LYRM4: variants seen among roughly 807,000 people sequenced by gnomAD.
LYRM4 encodes the protein LYR motif-containing protein 4.
LYRM4 carries 9 observed loss-of-function variants against 11.7 expected under a neutral mutation model. The observed-to-expected ratio is 0.77, with a 90% CI of 0.46 to 1.34. The LOEUF (loss-of-function observed/expected upper bound fraction) is 1.34, where lower values mean the gene tolerates loss of function less well. LYRM4 is among the 40% of genes most tolerant of loss of function. The pLI, the probability that LYRM4 is intolerant of heterozygous loss-of-function variation, is 0.00. For missense variants in LYRM4, 133 were observed against 112.5 expected (o/e 1.18, Z -0.82); for synonymous variants, 42 against 40.4 (o/e 1.04, Z -0.15).
intron 2 of LYRM4, among the ~76,000 whole-genome samples, chr6:5,178,804 CAAAAAAAAAAAAA>C (rs56880549): frequency 4.6e-3 from 137 of 30,022 alleles, no homozygotes; most frequent in African/African-American, 0.013. Context: ...GACTCTGTCT[CAAAAAAAAAAAAA>C]AAAAAAAAAA....
the LYRM4 span, chr6:5,085,375 G>A: frequency 1.3e-6 from 1 of 770,032 alleles, no homozygotes; most frequent in South Asian, 1.9e-5. Flanking sequence ...ACTCGCCTCG[G>A]GGAGGGCGAG....
chr6:5,160,161 T>G (rs960275425), intron 2 of LYRM4, among the ~76,000 whole-genome samples: 9 of 152,216 alleles, frequency 5.9e-5, no homozygotes, highest in Non-Finnish European at 1.5e-5. Context: ...TATTTGTGTG[T>G]GTACCATTCC....
chr6:5,138,606 C>A, intron 2 of LYRM4: 3 of 615,020 alleles, frequency 4.9e-6, no homozygotes, highest in South Asian at 3.7e-5. Flanking sequence ...CAGACTAAGT[C>A]ACAAGAAAAC....
intron 1 of LYRM4, chr6:5,218,394 T>C (rs1762398838): frequency 7.1e-6 from 7 of 984,946 alleles, no homozygotes; most frequent in Non-Finnish European, 8.4e-6. Flanking sequence ...ATATAACTTA[T>C]TGGGAAACTT....
intron 2 of LYRM4, among the ~76,000 whole-genome samples, chr6:5,193,042 G>A (rs184046861): frequency 9.2e-5 from 14 of 152,200 alleles, no homozygotes; most frequent in Non-Finnish European, 2.1e-4. Flanking sequence ...AAAACAAAGT[G>A]CATTTGGGCC....
the LYRM4 span, among the ~76,000 whole-genome samples, chr6:5,089,818 A>T: frequency 4.6e-5 from 7 of 152,228 alleles, no homozygotes; most frequent in Admixed American, 1.3e-4. Context: ...CCAAAGCATT[A>T]GCACTGGCAA....
At chr6:5,089,959 A>G in the LYRM4 span, among the ~76,000 whole-genome samples, 9 of 152,230 alleles carry the variant, frequency 5.9e-5, no homozygotes, top group African/African-American at 2.2e-4. Flanking sequence ...ATTTCAAAGG[A>G]AAGGGCAATA....
At chr6:5,221,039 C>G (rs1762548146) in intron 1 of LYRM4, among the ~76,000 whole-genome samples, 1 of 152,098 alleles carries the variant, frequency 6.6e-6, no homozygotes, top group Admixed American at 6.6e-5. Flanking sequence ...GCTGCCCAGG[C>G]TGGTCTCAAA....
In LYRM4 at chr6:5,121,786, C is replaced by T. The variant is rs145191780; in HGVS notation, c.208-12295G>A. Reference sequence around the variant, plus strand: ...GACCAAAGCTCAGCTGCATGTCTGTCCCTGAACTCTGCTTCATGCCACCAA... The same window carrying T: ...GACCAAAGCTCAGCTGCATGTCTGTTCCTGAACTCTGCTTCATGCCACCAA... On this transcript the variant is annotated intron_variant, in intron 2 of 2. Transcript: ENST00000330636. 4.7e-4 allele frequency among the ~76,000 whole-genome samples: 72 copies of T among 152,350 alleles called. 1 individual carries two copies. Among genetic ancestry groups the T allele is most frequent in the Middle Eastern group, 6.8e-3 (2 of 294 alleles).
At chr6:5,158,803 A>G (rs1174171823) in intron 2 of LYRM4, among the ~76,000 whole-genome samples, 2 of 152,174 alleles carry the variant, frequency 1.3e-5, no homozygotes. Flanking sequence ...CATGTCTGTC[A>G]AGCAGAAATC....
chr6:5,183,711 T>C (rs1760214845), intron 2 of LYRM4, among the ~76,000 whole-genome samples: 1 of 152,218 alleles, frequency 6.6e-6, no homozygotes, highest in South Asian at 2.1e-4. Flanking sequence ...ATCTTTCGGC[T>C]GTGCAATTAT....
chr6:5,243,064 C>T lies in LYRM4; in HGVS notation c.86+17584G>A, dbSNP rs572090346. 7.9e-5 allele frequency among the ~76,000 whole-genome samples: 12 copies of T among 152,240 alleles called. No homozygotes were observed. In the South Asian group the frequency reaches 1.0e-3, roughly 13 times the overall value. On this transcript the variant is annotated intron_variant, in intron 1 of 2. Transcript: ENST00000330636. ...CTGGGATTACAGGCGTGAGCCACCG[C>T]GCCCGGCCAGGATTTCTGCTCTTAA...
intron 2 of LYRM4, among the ~76,000 whole-genome samples, chr6:5,205,653 T>G (rs1180735807): frequency 6.6e-6 from 1 of 152,258 alleles, no homozygotes; most frequent in Non-Finnish European, 1.5e-5. Flanking sequence ...TAGCTGATAC[T>G]TATTTTTTAA....
chr6:5,103,052 T>C (rs466368), downstream of LYRM4: 96,211 of 151,836 alleles, frequency 0.63, 31,330 homozygotes, highest in East Asian at 0.8. Flanking sequence ...TGGTTCCCTG[T>C]GGCACTAATT....
intron 1 of LYRM4, among the ~76,000 whole-genome samples, chr6:5,250,241 C>T (rs563809979): frequency 1.3e-5 from 2 of 151,784 alleles, no homozygotes; most frequent in East Asian, 1.9e-4. Flanking sequence ...TTTAAAAATG[C>T]TTTAAAGGCC....
intron 2 of LYRM4, among the ~76,000 whole-genome samples, chr6:5,129,849 A>G (rs1763868272): frequency 6.6e-6 from 1 of 152,240 alleles, no homozygotes; most frequent in African/African-American, 2.4e-5. Context: ...CACTGAAGGG[A>G]GGGAGAAGCG....
At chr6:5,085,450 G>A in the LYRM4 span, 2 of 1,464,098 alleles carry the variant, frequency 1.4e-6, no homozygotes, top group Admixed American at 2.1e-5. Context: ...AGAGGGGCCC[G>A]GTTCGGCCCG....
At chr6:5,037,896 A>C in the LYRM4 span, among the ~76,000 whole-genome samples, 2 of 32,974 alleles carry the variant, frequency 6.1e-5, no homozygotes, top group South Asian at 1.3e-3. Flanking sequence ...CGGCCGGGCA[A>C]AGGCGCCCCT....
At chr6:5,186,544 A>G (rs1232534932) in intron 2 of LYRM4, 1 of 968,274 alleles carries the variant, frequency 1.0e-6, no homozygotes, top group African/African-American at 1.8e-5. Context: ...ATACCAAAAT[A>G]AATTCAAATT....
Sources: allele counts gnomAD v4.1 joint callset (sites outside exome capture counted in the v4.1 genomes callset), GRCh38; gene constraint gnomAD v4.1.1; transcripts MANE v1.5; gene names NCBI Gene and HGNC (gene_info 2026-07-23, HGNC 2026-07-21).